ANO3: variants seen among roughly 807,000 people sequenced by gnomAD.
ANO3 encodes the protein anoctamin 3, also known as anoctamin-3.
Under a neutral mutation model 144.8 loss-of-function variants are expected in ANO3, and 99 were observed. The ratio of observed to expected loss-of-function variants is 0.68; its 90% CI spans 0.58 to 0.81. The LOEUF (loss-of-function observed/expected upper bound fraction) is 0.81, where lower values mean the gene tolerates loss of function less well. ANO3 is among the 30% of genes least tolerant of loss of function. The probability of loss-of-function intolerance (pLI) is 0.00; values close to 1 mark genes in which losing one functional copy is unlikely to be tolerated. For missense variants in ANO3, 905 were observed against 1,202.2 expected, an observed-to-expected ratio of 0.75 and a Z score of 3.66; for synonymous variants, 414 against 392.6, an observed-to-expected ratio of 1.05 and a Z score of -0.64.
At chr11:26,250,096 T>G (rs1430154080) in intron 1 of ANO3, among the ~76,000 whole-genome samples, 1 of 152,128 alleles carries the variant, frequency 6.6e-6, no homozygotes, top group African/African-American at 2.4e-5. Context: ...ACAACCTAAT[T>G]ATAAGGGAGA....
chr11:26,526,201 A>G (rs1295343217), intron 7 of ANO3, among the ~76,000 whole-genome samples: 2 of 152,090 alleles, frequency 1.3e-5, no homozygotes, highest in African/African-American at 2.4e-5. Context: ...TTGAAAACGA[A>G]CTTTTGAAGA....
intron 10 of ANO3, among the ~76,000 whole-genome samples, chr11:26,539,429 TA>T (rs934709948): frequency 3.3e-5 from 5 of 151,994 alleles, no homozygotes; most frequent in Non-Finnish European, 7.4e-5. Context: ...AGAGCAGAGT[TA>T]AAAAAAGATA....
intron 18 of ANO3, among the ~76,000 whole-genome samples, chr11:26,629,566 T>C (rs1250011324): frequency 1.3e-5 from 2 of 152,200 alleles, no homozygotes; most frequent in Non-Finnish European, 2.9e-5. Flanking sequence ...GACAACGTGA[T>C]AGGGAGACAG....
At chr11:26,611,931 C>T (rs774918396) in intron 17 of ANO3, among the ~76,000 whole-genome samples, 1 of 151,920 alleles carries the variant, frequency 6.6e-6, no homozygotes, top group Non-Finnish European at 1.5e-5. Flanking sequence ...TATTCCTGCT[C>T]ACTTTTGGTT....
chr11:26,553,504 A>G (rs145664317), intron 13 of ANO3, among the ~76,000 whole-genome samples, 159 bp downstream of exon 13: 210 of 152,266 alleles, frequency 1.4e-3, no homozygotes, highest in African/African-American at 4.5e-3. Flanking sequence ...GTCTATTGCA[A>G]TTAGAAAGCG....
chr11:26,359,498 T>A (rs867690365), intron 1 of ANO3, among the ~76,000 whole-genome samples: 6 of 151,994 alleles, frequency 3.9e-5, no homozygotes, highest in Non-Finnish European at 8.8e-5. Flanking sequence ...TACATGTATA[T>A]ACTGATCAAT....
At chr11:26,294,124 C>G (rs756137037) in intron 1 of ANO3, among the ~76,000 whole-genome samples, 1 of 152,078 alleles carries the variant, frequency 6.6e-6, no homozygotes. Context: ...AAATAAAATA[C>G]GTTTAAAGGA....
intron 1 of ANO3, among the ~76,000 whole-genome samples, chr11:26,338,484 GA>G (rs61108041): frequency 0.068 from 10,405 of 152,272 alleles, 478 homozygotes; most frequent in Non-Finnish European, 0.098. Context: ...CAGAATGTGG[GA>G]GGGGCCAAAT....
intron 8 of ANO3, among the ~76,000 whole-genome samples, chr11:26,532,848 C>T (rs1327888717): frequency 6.6e-6 from 1 of 152,012 alleles, no homozygotes; most frequent in African/African-American, 2.4e-5. Flanking sequence ...ATACAGTTTT[C>T]ATTTTTCTTC....
At chr11:26,352,022 A>G (rs960636174) in intron 1 of ANO3, among the ~76,000 whole-genome samples, 2 of 152,118 alleles carry the variant, frequency 1.3e-5, no homozygotes, top group Admixed American at 6.6e-5. Flanking sequence ...TGGAGTTGGG[A>G]TTTTTCATTG....
At chr11:26,250,433 T>A (rs555076269) in intron 1 of ANO3, among the ~76,000 whole-genome samples, 1 of 152,312 alleles carries the variant, frequency 6.6e-6, no homozygotes, top group South Asian at 2.1e-4. Flanking sequence ...TTATTTCCAA[T>A]GTACAGACCA....
intron 14 of ANO3, among the ~76,000 whole-genome samples, chr11:26,591,919 G>C (rs1269589828): frequency 1.3e-5 from 2 of 152,124 alleles, no homozygotes; most frequent in African/African-American, 4.8e-5. Flanking sequence ...CCATGGTTGG[G>C]GTAGATAAAA....
intron 1 of ANO3, among the ~76,000 whole-genome samples, chr11:26,257,910 A>C (rs1250792610): frequency 6.6e-6 from 1 of 152,120 alleles, no homozygotes; most frequent in Non-Finnish European, 1.5e-5. Context: ...AAAGAAATAA[A>C]ATTTATACTA....
intron 1 of ANO3, among the ~76,000 whole-genome samples, chr11:26,412,486 G>A (rs1857458713): frequency 6.6e-6 from 1 of 151,974 alleles, no homozygotes; most frequent in African/African-American, 2.4e-5. Flanking sequence ...CATCGTAACT[G>A]TAGTAATGTA....
intron 1 of ANO3, among the ~76,000 whole-genome samples, chr11:26,383,714 C>T (rs1489444664): frequency 6.6e-6 from 1 of 151,992 alleles, no homozygotes; most frequent in African/African-American, 2.4e-5. Context: ...AACATTCAGA[C>T]TTCTGATTAA....
chr11:26,253,578 C>T (rs990832800), intron 1 of ANO3, among the ~76,000 whole-genome samples: 1 of 149,330 alleles, frequency 6.7e-6, no homozygotes, highest in African/African-American at 2.5e-5. Flanking sequence ...AAAAAAAAAA[C>T]CTCACTGGAT....
intron 1 of ANO3, among the ~76,000 whole-genome samples, chr11:26,350,095 A>ACAGG (rs1855604066): frequency 1.3e-5 from 2 of 150,214 alleles, no homozygotes; most frequent in African/African-American, 5.0e-5. Flanking sequence ...GAGAAGAAAG[A>ACAGG]AACAGATCTA....
chr11:26,299,002 G>GA (rs201975444), intron 1 of ANO3, among the ~76,000 whole-genome samples: 3,038 of 152,282 alleles, frequency 0.02, 51 homozygotes, highest in Non-Finnish European at 0.029. Flanking sequence ...CCTGGAGTTA[G>GA]AAAAAGAGAT....
At chr11:26,481,474 AT>A (rs1437401223) in intron 4 of ANO3, among the ~76,000 whole-genome samples, 3 of 152,166 alleles carry the variant, frequency 2.0e-5, no homozygotes, top group East Asian at 3.9e-4. Context: ...TGGGAGTGAA[AT>A]TAAAAAGATG....
Sources: gnomAD v4.1 joint callset for allele counts (sites outside exome capture counted in the v4.1 genomes callset) on GRCh38, gnomAD v4.1.1 for gene constraint, MANE v1.5 for transcripts, NCBI Gene and HGNC (gene_info 2026-07-23, HGNC 2026-07-21) for gene names.